CACFD1: variants seen among roughly 807,000 people sequenced by gnomAD.
The protein encoded by CACFD1 is calcium channel flower domain containing 1.
CACFD1 carries 26 observed loss-of-function variants against 21.3 expected under a neutral mutation model. That is an observed-to-expected ratio of 1.22 (90% CI 0.89 to 1.69). CACFD1 has a LOEUF of 1.69. CACFD1 is among the 40% of genes most tolerant of loss of function. The pLI is 0.00. For missense variants in CACFD1, 265 were observed against 236.2 expected, an observed-to-expected ratio of 1.12 and a Z score of -0.80; for synonymous variants, 121 against 106.6, an observed-to-expected ratio of 1.13 and a Z score of -0.83.
rs1244887899 is a variant in CACFD1, at chr9:133,470,188, GCTGTGTGT to G, written c.*1536_*1543del. 1.0e-5 allele frequency: 1 copy of G among 96,528 alleles called. No individual in the cohort carries two copies. Among genetic ancestry groups the G allele is most frequent in the African/African-American group, 3.6e-5 (1 of 27,510 alleles). 6.0% of individuals were successfully genotyped at this position (96,528 alleles called of 1,614,324 possible). A position where few individuals can be genotyped will look rare whatever the true frequency, so the allele number is the denominator to read the frequency against. On this transcript the variant is annotated 3_prime_UTR_variant, in exon 5 of 5. Transcript: ENST00000316948. ...CTCAGGCCAGTGCTGGGTTCAAAGG[GCTGTGTGT>G]GTGTGTGTGTGTGTGTGTGTGTGTG...
At chr9:133,462,087 CCTGG>C (rs1843241356) in intron 1 of CACFD1, 1 of 1,301,802 alleles carries the variant, frequency 7.7e-7, no homozygotes, top group Non-Finnish European at 1.0e-6. Context: ...CTAAAGGATT[CCTGG>C]CTGGAGCCTG....
intron 4 of CACFD1, chr9:133,468,326 CCT>C: frequency 6.5e-7 from 1 of 1,533,942 alleles, no homozygotes; most frequent in South Asian, 1.2e-5. Flanking sequence ...CAGTTGCCAC[CCT>C]CTCTCCTGCA....
At chr9:133,460,907 C>T (rs1554798400) in intron 1 of CACFD1, among the ~76,000 whole-genome samples, 1 of 152,210 alleles carries the variant, frequency 6.6e-6, no homozygotes, top group Non-Finnish European at 1.5e-5. Flanking sequence ...CAGACCCTGA[C>T]CTTAGGCTGC....
chr9:133,465,241 C>T lies in CACFD1; in HGVS notation c.195-81C>T. The T allele has an allele frequency of 1.3e-6, 2 of 1,533,798 alleles. No individual in the cohort carries two copies. The highest frequency in any genetic ancestry group is 1.8e-6 in the Non-Finnish European group (2 of 1,113,612). Reference sequence around the variant, plus strand: ...CAGGAGGGTGAGGGAGGTGGCATTCCTTATGGCACTGGCACTGGGGGCCGC... The same window carrying T: ...CAGGAGGGTGAGGGAGGTGGCATTCTTTATGGCACTGGCACTGGGGGCCGC... On this transcript the variant is annotated intron_variant, in intron 2 of 4. Coordinates refer to ENST00000316948, the MANE Select transcript of CACFD1 (RefSeq NM_017586.5). This position sits in a 1 kb window ranked among gnomAD's most constrained non-coding sequence, Gnocchi z 5.0.
chr9:133,460,159 T>C lies in CACFD1; in HGVS notation c.93T>C (p.Cys31=). 1.3e-6 allele frequency: 2 copies of C among 1,557,942 alleles called. No individual in the cohort carries two copies. Among genetic ancestry groups the C allele is most frequent in the Non-Finnish European group, 1.7e-6 (2 of 1,151,192 alleles). Residue 31 remains cysteine, a synonymous_variant, in exon 1 of 5, where the codon TGT becomes TGC. Coordinates refer to ENST00000316948, the MANE Select transcript of CACFD1 (RefSeq NM_017586.5). The stretch of plus-strand genomic sequence containing the variant: ...TGACGTGGTGGTACCGCTGGCTGTG[T>C]CGCCTGTCTGGGGTGCTGGGGGCAG... ...EGMTWWYRWL[C]RLSGVLGAVS...
rs1843056858 is a variant in CACFD1 at position 133,459,988 on chromosome 9, CA to C, written c.-77del. 2.8e-5 allele frequency: 40 copies of C among 1,445,296 alleles called. No homozygotes were observed. In the South Asian group the frequency reaches 3.2e-4, roughly 12 times the overall value. 89.5% of individuals were successfully genotyped at this position (1,445,296 alleles called of 1,614,324 possible). ...CTATGCTAATATGCTCCCTCTCCCACAAGGCAGCGCGCCGGCTCGGACGCGG... is the reference window on the plus strand; with the variant it reads ...CTATGCTAATATGCTCCCTCTCCCACAGGCAGCGCGCCGGCTCGGACGCGG... On this transcript the variant is annotated 5_prime_UTR_variant, in exon 1 of 5. Coordinates refer to ENST00000316948, the MANE Select transcript of CACFD1 (RefSeq NM_017586.5).
At chr9:133,463,608 C>G in intron 2 of CACFD1, 53 bp downstream of exon 2, 1 of 1,580,896 alleles carries the variant, frequency 6.3e-7, no homozygotes, top group Non-Finnish European at 8.7e-7. Flanking sequence ...CGGGAATCTG[C>G]TGGGCACCTC....
chr9:133,460,611 A>C (rs932168381), intron 1 of CACFD1, among the ~76,000 whole-genome samples: 1 of 151,958 alleles, frequency 6.6e-6, no homozygotes, highest in Non-Finnish European at 1.5e-5. Flanking sequence ...TCAACTGTTG[A>C]CTTGGGCGTA....
Position 133,468,603 on chromosome 9 carries a change from C to A in CACFD1, c.469C>A (p.Gln157Lys). ...CTATGCCAGGATCCAGCAGCAGAGGCAGCAGGCGGATGAGGAGAAGCTCGC... is the reference window on the plus strand; with the variant it reads ...CTATGCCAGGATCCAGCAGCAGAGGAAGCAGGCGGATGAGGAGAAGCTCGC... ...ISYARIQQQR[Q>K]QADEEKLAET... Residue 157 changes from glutamine to lysine, a missense_variant, in exon 5 of 5, where the codon CAG becomes AAG. By Grantham distance (53) the Gln-to-Lys change is moderately conservative. Transcript: ENST00000316948. The A allele has an allele frequency of 6.3e-7, 1 of 1,592,578 alleles. No homozygotes were observed. Among genetic ancestry groups the A allele is most frequent in the Non-Finnish European group, 8.5e-7 (1 of 1,171,778 alleles).
intron 1 of CACFD1, chr9:133,463,274 C>T: frequency 2.4e-6 from 1 of 425,338 alleles, no homozygotes; most frequent in Non-Finnish European, 3.1e-6. Context: ...TGCCACCTTG[C>T]TGTGGGGCCT....
At chr9:133,467,133 G>A (rs1477117681) in intron 3 of CACFD1, among the ~76,000 whole-genome samples, 3 of 152,200 alleles carry the variant, frequency 2.0e-5, no homozygotes, top group South Asian at 2.1e-4. Flanking sequence ...AATTGGCCAC[G>A]AGTCTTGTCC....
At chr9:133,461,824 C>G (rs1843230131) in intron 1 of CACFD1, 1 of 976,200 alleles carries the variant, frequency 1.0e-6, no homozygotes, top group Non-Finnish European at 1.2e-6. Flanking sequence ...GGGTAGAATG[C>G]AAAAATGCAG....
chr9:133,460,986 A>T (rs1843183468), intron 1 of CACFD1, among the ~76,000 whole-genome samples: 1 of 152,074 alleles, frequency 6.6e-6, no homozygotes, highest in South Asian at 2.1e-4. Context: ...TCCAGGAGTG[A>T]ATGGAAGCCG....
chr9:133,468,418 C>T, intron 4 of CACFD1, 145 bp from the exon 5 acceptor site: 3 of 1,536,138 alleles, frequency 2.0e-6, no homozygotes, highest in South Asian at 1.2e-5. Flanking sequence ...CAAGACAGGC[C>T]TTTGCCACCC....
intron 2 of CACFD1, among the ~76,000 whole-genome samples, chr9:133,464,437 A>G (rs1295390482): frequency 6.6e-6 from 1 of 152,040 alleles, no homozygotes; most frequent in Non-Finnish European, 1.5e-5. Flanking sequence ...GCACAGAGTG[A>G]GCCCGTGCTT....
chr9:133,463,317 T>C, intron 1 of CACFD1, 166 bp from the exon 2 acceptor site: 1 of 860,436 alleles, frequency 1.2e-6, no homozygotes, highest in Non-Finnish European at 1.4e-6. Flanking sequence ...TCTCTGCGTC[T>C]CCTCACCTGT....
intron 1 of CACFD1, among the ~76,000 whole-genome samples, chr9:133,461,012 A>G (rs587628961): frequency 2.0e-4 from 27 of 135,438 alleles, no homozygotes; most frequent in Admixed American, 1.6e-3. Flanking sequence ...CTGGCCTTCC[A>G]GGGAAAGACA....
At chr9:133,460,245 C>T (rs1280386401) in intron 1 of CACFD1, 58 bp downstream of exon 1, 2 of 1,381,138 alleles carry the variant, frequency 1.4e-6, no homozygotes, top group Non-Finnish European at 1.9e-6. Context: ...CCTCGCCCTG[C>T]CCTGCCCCGC....
Position 133,465,518 on chromosome 9 carries a change from G to C in CACFD1, c.320+71G>C, listed in dbSNP as rs1843402341. The C allele has an allele frequency of 3.4e-6, 5 of 1,470,100 alleles. No homozygotes were observed. The highest frequency in any genetic ancestry group is 9.3e-7 in the Non-Finnish European group (1 of 1,075,100). 91.1% of individuals were successfully genotyped at this position (1,470,100 alleles called of 1,614,324 possible). ...CCCACTGACAAAATAGGACCCAAAA[G>C]TCAGGTGAGGGTGGGCAGTGTATTC... On this transcript the variant is annotated intron_variant, in intron 3 of 4. Transcript: ENST00000316948. The surrounding 1 kb of genome is among the most constrained non-coding windows in gnomAD (Gnocchi z 5.0).
Sources: allele counts gnomAD v4.1 joint callset (sites outside exome capture counted in the v4.1 genomes callset), GRCh38; gene constraint gnomAD v4.1.1; non-coding constraint Gnocchi (gnomAD v3.1); transcripts MANE v1.5; gene names NCBI Gene and HGNC (gene_info 2026-07-23, HGNC 2026-07-21).